The following CNTNAP2 variants were observed in gnomAD, a reference collection of about 807,000 sequenced individuals.
CNTNAP2 encodes contactin-associated protein-like 2.
A neutral mutation model predicts 155.2 loss-of-function variants in CNTNAP2; 98 were observed. The observed-to-expected ratio is 0.63, with a 90% CI of 0.54 to 0.75. The LOEUF is 0.75. Ranked by LOEUF, CNTNAP2 falls within the 30% of genes least tolerant of loss-of-function variation. The pLI is 0.00. For missense variants in CNTNAP2, 1,727 were observed against 1,688.1 expected (o/e 1.02, Z -0.40); for synonymous variants, 651 against 631.2 (o/e 1.03, Z -0.47).
At position 146,270,944 on chromosome 7, in the gene CNTNAP2, G is replaced by A. The variant is rs182663277; in HGVS notation, c.97+153971G>A. Among the ~76,000 whole-genome samples the A allele has an allele frequency of 4.5e-4, 69 of 152,046 alleles. No individual in the cohort carries two copies. In the East Asian group the frequency reaches 0.012, roughly 26 times the overall value. On this transcript the variant is annotated intron_variant, in intron 1 of 23. Transcript: ENST00000361727. ...AGACCCCATCCCAGAAAACTATATA[G>A]AGTTATAGAAATTAAATTAAGTGAA...
At chr7:148,398,413 G>A (rs922679683) in intron 22 of CNTNAP2, among the ~76,000 whole-genome samples, 1 of 152,186 alleles carries the variant, frequency 6.6e-6, no homozygotes, top group African/African-American at 2.4e-5. Context: ...TTGAGATACC[G>A]AGGTTCCAGC....
intron 1 of CNTNAP2, among the ~76,000 whole-genome samples, chr7:146,273,088 G>GAGAA (rs1800109351): frequency 7.3e-6 from 1 of 136,754 alleles, no homozygotes; most frequent in Admixed American, 7.2e-5. Flanking sequence ...GAAAGAGAAA[G>GAGAA]AGAGAGAGAG....
At chr7:147,410,296 C>G (rs1009398003) in intron 10 of CNTNAP2, among the ~76,000 whole-genome samples, 1 of 152,124 alleles carries the variant, frequency 6.6e-6, no homozygotes, top group Admixed American at 6.5e-5. Context: ...GAACAGAAAA[C>G]CAAATGTCAC....
chr7:147,341,893 G>T (rs1795771248), intron 9 of CNTNAP2, among the ~76,000 whole-genome samples: 1 of 152,026 alleles, frequency 6.6e-6, no homozygotes, highest in African/African-American at 2.4e-5. Flanking sequence ...TATACATTAA[G>T]AACTGTCTTA....
At chr7:147,049,057 C>T (rs1035797262) in intron 4 of CNTNAP2, among the ~76,000 whole-genome samples, 1 of 152,174 alleles carries the variant, frequency 6.6e-6, no homozygotes, top group Non-Finnish European at 1.5e-5. Flanking sequence ...CTGGGGAGCT[C>T]AAGGTCAAGG....
chr7:148,386,515 CA>C (rs142442730), intron 22 of CNTNAP2, among the ~76,000 whole-genome samples: 7,655 of 150,814 alleles, frequency 0.051, 278 homozygotes, highest in African/African-American at 0.094. Context: ...CAAAACAAAA[CA>C]AAAAAACAAC....
Position 146,607,664 on chromosome 7 carries a change from T to C in CNTNAP2, c.98-166607T>C, listed in dbSNP as rs563041267. Among the ~76,000 whole-genome samples, 123 of 151,696 alleles carry C rather than the reference T, an allele frequency of 8.1e-4. 1 individual carries two copies. The highest frequency in any genetic ancestry group is 1.4e-3 in the Non-Finnish European group (97 of 67,886). On this transcript the variant is annotated intron_variant, in intron 1 of 23. Coordinates refer to ENST00000361727, the MANE Select transcript of CNTNAP2 (RefSeq NM_014141.6). ...CTAATTTTTTAAAATTTTTATAGAG[T>C]TGGGGGTCTCACTATGTTACCTAGG... is the stretch of plus-strand genomic sequence containing the variant.
At chr7:147,160,207 A>T (rs1409313808) in intron 8 of CNTNAP2, among the ~76,000 whole-genome samples, 2 of 152,070 alleles carry the variant, frequency 1.3e-5, no homozygotes, top group Non-Finnish European at 2.9e-5. Context: ...ATTTCAGTTG[A>T]TGTAAAAATA....
At chr7:146,176,041 G>T (rs1392038775) in intron 1 of CNTNAP2, among the ~76,000 whole-genome samples, 2 of 152,006 alleles carry the variant, frequency 1.3e-5, no homozygotes, top group Non-Finnish European at 2.9e-5. Flanking sequence ...GCTACCCTTG[G>T]GGAAATTTAC....
In CNTNAP2 at chr7:146,715,713, T is replaced by C. The variant is rs571627120; in HGVS notation, c.98-58558T>C. Among the ~76,000 whole-genome samples the C allele has an allele frequency of 1.1e-4, 17 of 152,298 alleles. No individual in the cohort carries two copies. In the East Asian group the frequency reaches 2.5e-3, roughly 23 times the overall value. On this transcript the variant is annotated intron_variant, in intron 1 of 23. Transcript: ENST00000361727. ...CTACAGTTTTGTCAAAAAGAGACTA[T>C]TGTTGCAAACCAAGTTAAATAGTTT...
chr7:147,595,916 C>A (rs1027247605), intron 12 of CNTNAP2, among the ~76,000 whole-genome samples: 4 of 152,172 alleles, frequency 2.6e-5, no homozygotes, highest in African/African-American at 9.7e-5. Flanking sequence ...TGAGGCCTTA[C>A]CCTGGGCTTT....
chr7:147,648,097 C>T (rs1227939269), intron 13 of CNTNAP2, among the ~76,000 whole-genome samples: 1 of 152,124 alleles, frequency 6.6e-6, no homozygotes, highest in Admixed American at 6.5e-5. Context: ...GCTGCTTAAT[C>T]AGATGACAAA....
chr7:146,881,523 G>A (rs1000005215), intron 3 of CNTNAP2, among the ~76,000 whole-genome samples: 1 of 151,976 alleles, frequency 6.6e-6, no homozygotes, highest in Non-Finnish European at 1.5e-5. Flanking sequence ...TGGGTGAGGA[G>A]GTGGGGGTCA....
chr7:146,945,481 A>G (rs2129226564), intron 3 of CNTNAP2, among the ~76,000 whole-genome samples: 1 of 152,344 alleles, frequency 6.6e-6, no homozygotes, highest in South Asian at 2.1e-4. Flanking sequence ...GAAAACAGAA[A>G]ATAAGAAGAG....
chr7:147,476,255 G>T (rs916516700), intron 10 of CNTNAP2, among the ~76,000 whole-genome samples: 16 of 151,916 alleles, frequency 1.1e-4, no homozygotes, highest in Admixed American at 3.3e-4. Flanking sequence ...ACAGGCGCCC[G>T]CCACCATGCC....
intron 1 of CNTNAP2, among the ~76,000 whole-genome samples, chr7:146,512,999 T>A (rs1230917190): frequency 6.6e-6 from 1 of 151,952 alleles, no homozygotes; most frequent in Non-Finnish European, 1.5e-5. Context: ...TTACAATTGT[T>A]ATATCCTCTT....
rs138364217 is a variant in CNTNAP2, at chr7:147,464,421, C to A, written c.1671-21514C>A. ...GGTGGAGGTTACAGTGGGCCAAGAT[C>A]GCGCCACTGCACTCCAGCCTGGGTG... is the stretch of plus-strand genomic sequence containing the variant. On this transcript the variant is annotated intron_variant, in intron 10 of 23. Transcript: ENST00000361727. Among the ~76,000 whole-genome samples, 1,001 of 146,136 alleles carry A rather than the reference C, an allele frequency of 6.8e-3. 12 individuals are homozygous for A. Among genetic ancestry groups the A allele is most frequent in the African/African-American group, 0.024 (948 of 39,510 alleles).
intron 1 of CNTNAP2, among the ~76,000 whole-genome samples, chr7:146,185,843 G>T (rs1798616104): frequency 1.3e-5 from 2 of 150,952 alleles, no homozygotes; most frequent in Non-Finnish European, 1.5e-5. Flanking sequence ...CCATGCATGG[G>T]TATTTGGTGT....
At chr7:146,618,023 TA>T (rs942284914) in intron 1 of CNTNAP2, among the ~76,000 whole-genome samples, 3 of 152,064 alleles carry the variant, frequency 2.0e-5, no homozygotes, top group Non-Finnish European at 4.4e-5. Context: ...GTTAATTTTT[TA>T]AAAAAAGTAA....
Sources: gnomAD v4.1 joint callset for allele counts (sites outside exome capture counted in the v4.1 genomes callset) on GRCh38, gnomAD v4.1.1 for gene constraint, MANE v1.5 for transcripts, NCBI Gene and HGNC (gene_info 2026-07-23, HGNC 2026-07-21) for gene names.